The following CPA6 variants were observed in gnomAD, a reference collection of about 807,000 sequenced individuals.
CPA6 encodes carboxypeptidase B.
In CPA6, 58 loss-of-function variants were observed where a neutral mutation model predicts 63.3. The observed-to-expected ratio is 0.92, with a 90% CI of 0.74 to 1.14. The LOEUF (loss-of-function observed/expected upper bound fraction) is 1.14. CPA6 is among the 50% of genes most tolerant of loss of function. CPA6 has a pLI of 0.00. For synonymous variants in CPA6, 185 were observed against 179.0 expected (o/e 1.03, Z -0.27); for missense variants, 565 against 526.6 (o/e 1.07, Z -0.71).
intron 8 of CPA6, among the ~76,000 whole-genome samples, chr8:67,457,686 C>T (rs535725340): frequency 1.3e-4 from 19 of 145,784 alleles, no homozygotes; most frequent in South Asian, 1.0e-3. Flanking sequence ...TCATGTTATT[C>T]CCCCAACCCC....
chr8:67,665,196 A>G (rs1176993384), intron 1 of CPA6, among the ~76,000 whole-genome samples: 1 of 152,206 alleles, frequency 6.6e-6, no homozygotes, highest in African/African-American at 2.4e-5. Flanking sequence ...CAAAACACCA[A>G]CAACATCCAA....
At chr8:67,586,214 G>A (rs2128979596) in intron 2 of CPA6, among the ~76,000 whole-genome samples, 1 of 152,186 alleles carries the variant, frequency 6.6e-6, no homozygotes, top group South Asian at 2.1e-4. Context: ...TTCTGTTAGG[G>A]GGTTGAGGAT....
chr8:67,719,779 A>G (rs1353058056), intron 1 of CPA6, among the ~76,000 whole-genome samples: 1 of 152,178 alleles, frequency 6.6e-6, no homozygotes, highest in Non-Finnish European at 1.5e-5. Flanking sequence ...TAGGGGAGAA[A>G]GAAAAATGAG....
intron 1 of CPA6, among the ~76,000 whole-genome samples, chr8:67,721,849 T>C (rs191262234): frequency 2.0e-4 from 30 of 152,350 alleles, no homozygotes; most frequent in African/African-American, 7.2e-4. Flanking sequence ...GCTGCCTCTT[T>C]ACGTGTCTTA....
At position 67,670,714 on chromosome 8, in the gene CPA6, C is replaced by G. The variant is rs116677859; in HGVS notation, c.117-46463G>C. 5.5e-3 allele frequency among the ~76,000 whole-genome samples: 830 copies of G among 152,284 alleles called. 11 individuals are homozygous for G. Among genetic ancestry groups the G allele is most frequent in the African/African-American group, 0.019 (774 of 41,556 alleles). On this transcript the variant is annotated intron_variant, in intron 1 of 10. Coordinates refer to ENST00000297770, the MANE Select transcript of CPA6 (RefSeq NM_020361.5). ...TAGTATCTATTAACAGTCGGGCCTA[C>G]TAGCAGTGGTGTGTACAAAGACGCA...
At chr8:67,663,660 A>G (rs1217930005) in intron 1 of CPA6, among the ~76,000 whole-genome samples, 1 of 152,122 alleles carries the variant, frequency 6.6e-6, no homozygotes, top group African/African-American at 2.4e-5. Context: ...GCTGGGGATA[A>G]TGGCTTCCAG....
chr8:67,512,014 T>C (rs1222814072), intron 3 of CPA6, among the ~76,000 whole-genome samples: 1 of 152,192 alleles, frequency 6.6e-6, no homozygotes, highest in East Asian at 1.9e-4. Context: ...ATGTACATAA[T>C]CTTAGCTAAT....
intron 1 of CPA6, among the ~76,000 whole-genome samples, chr8:67,718,152 CCTAA>C (rs374246492): frequency 2.3e-3 from 350 of 152,218 alleles, no homozygotes; most frequent in African/African-American, 8.1e-3. Context: ...TTCTAGAATA[CCTAA>C]CTGATTCTTA....
At chr8:67,631,076 C>CG (rs1815316961) in intron 1 of CPA6, among the ~76,000 whole-genome samples, 1 of 152,234 alleles carries the variant, frequency 6.6e-6, no homozygotes, top group Non-Finnish European at 1.5e-5. Context: ...CTGGTCCCAT[C>CG]GACCACCCAA....
At chr8:67,547,816 T>C (rs1044572723) in intron 2 of CPA6, among the ~76,000 whole-genome samples, 3 of 152,234 alleles carry the variant, frequency 2.0e-5, no homozygotes, top group Admixed American at 2.0e-4. Flanking sequence ...GTCTTATACA[T>C]GGTCTTTAAA....
intron 1 of CPA6, among the ~76,000 whole-genome samples, chr8:67,659,330 C>CTA (rs1182781582): frequency 1.3e-5 from 2 of 152,218 alleles, no homozygotes; most frequent in Non-Finnish European, 2.9e-5. Context: ...ATCATGCATA[C>CTA]TACAGAAATT....
At chr8:67,564,612 C>T (rs1813294250) in intron 2 of CPA6, among the ~76,000 whole-genome samples, 1 of 152,064 alleles carries the variant, frequency 6.6e-6, no homozygotes, top group African/African-American at 2.4e-5. Context: ...GCTGTCATAC[C>T]AGTAAAATTA....
intron 2 of CPA6, among the ~76,000 whole-genome samples, chr8:67,529,375 A>G (rs1812430024): frequency 6.6e-6 from 1 of 152,210 alleles, no homozygotes; most frequent in Admixed American, 6.5e-5. Context: ...TGGGATATCA[A>G]AGAAAAGCAA....
intron 8 of CPA6, among the ~76,000 whole-genome samples, chr8:67,472,305 C>CAA (rs749059437): frequency 0.31 from 47,444 of 151,638 alleles, 7,498 homozygotes; most frequent in Middle Eastern, 0.46. Flanking sequence ...TGTCTCACTT[C>CAA]AAAAATAGCA....
intron 1 of CPA6, among the ~76,000 whole-genome samples, chr8:67,727,456 C>T (rs1215824946): frequency 6.6e-6 from 1 of 152,178 alleles, no homozygotes; most frequent in Non-Finnish European, 1.5e-5. Context: ...CCTTAACCCC[C>T]ACAGGGAGAG....
At chr8:67,527,038 A>C (rs567253425) in intron 2 of CPA6, among the ~76,000 whole-genome samples, 1 of 152,322 alleles carries the variant, frequency 6.6e-6, no homozygotes, top group Non-Finnish European at 1.5e-5. Flanking sequence ...GGTAGAATGG[A>C]TGGAAATAAT....
Position 67,515,393 on chromosome 8 carries a change from C to T in CPA6, c.317+2530G>A, listed in dbSNP as rs145606408. Among the ~76,000 whole-genome samples the T allele has an allele frequency of 1.1e-3, 162 of 152,228 alleles. 3 individuals carry two copies. In the East Asian group the frequency reaches 0.017, roughly 16 times the overall value. On this transcript the variant is annotated intron_variant, in intron 3 of 10. Coordinates refer to ENST00000297770, the MANE Select transcript of CPA6 (RefSeq NM_020361.5). Reference sequence around the variant, plus strand: ...TAAATGAACTTCCTACATTCTCTAGCCTCTTCAGGGAACTCTCTTTTCTCA... The same window carrying T: ...TAAATGAACTTCCTACATTCTCTAGTCTCTTCAGGGAACTCTCTTTTCTCA...
rs762693081 is a variant in CPA6, at chr8:67,422,675, G to A, written c.1143C>T (p.Ser381=). 5.0e-6 allele frequency: 8 copies of A among 1,610,878 alleles called. No individual in the cohort carries two copies. In the African/African-American group the frequency reaches 9.4e-5, roughly 19 times the overall value. The change falls in exon 11 of 11, where the codon AGC becomes AGT. Residue 381 remains serine (S), a synonymous_variant. Coordinates refer to ENST00000297770, the MANE Select transcript of CPA6 (RefSeq NM_020361.5). ...ASTTLYVSSG[S]SMDWAYKNGI... ...CATTTTTGTAGGCCCAATCCATTGA[G>A]CTACCAGAGCTCACATCTAAAAGTT...
At position 67,578,214 on chromosome 8, in the gene CPA6, C is replaced by A. The variant is rs775878285; in HGVS notation, c.192+45962G>T. On this transcript the variant is annotated intron_variant, in intron 2 of 10. Coordinates refer to ENST00000297770, the MANE Select transcript of CPA6 (RefSeq NM_020361.5). Reference sequence around the variant, plus strand: ...AAAAGATCTGGGATTAAGCTGATGGCGGGTTTAGAAGGACACCACTTTTCT... The same window carrying A: ...AAAAGATCTGGGATTAAGCTGATGGAGGGTTTAGAAGGACACCACTTTTCT... Among the ~76,000 whole-genome samples, 8 of 152,132 alleles carry A rather than the reference C, an allele frequency of 5.3e-5. No individual in the cohort carries two copies. In the East Asian group the frequency reaches 1.5e-3, roughly 29 times the overall value.
Sources: allele counts gnomAD v4.1 joint callset (sites outside exome capture counted in the v4.1 genomes callset), GRCh38; gene constraint gnomAD v4.1.1; transcripts MANE v1.5; gene names NCBI Gene and HGNC (gene_info 2026-07-23, HGNC 2026-07-21).